Variants in NYNRIN observed in about 807,000 individuals in gnomAD.
The protein encoded by NYNRIN is NYN domain and retroviral integrase containing.
In NYNRIN, 86 loss-of-function variants were observed where a neutral mutation model predicts 146.6. That is an observed-to-expected ratio of 0.59 (90% CI 0.49 to 0.70). The LOEUF (loss-of-function observed/expected upper bound fraction) is 0.70. Among genes scored for constraint, NYNRIN ranks in the 30% least tolerant of loss-of-function variants. The pLI, the probability that NYNRIN is intolerant of heterozygous loss-of-function variation, is 0.00. For missense variants in NYNRIN, 2,191 were observed against 2,377.7 expected (o/e 0.92, Z 1.63); for synonymous variants, 1,027 against 1,001.3 (o/e 1.03, Z -0.48).
At position 24,409,667 on chromosome 14, in the gene NYNRIN, C is replaced by A. The variant is rs1819423820; in HGVS notation, c.1873C>A (p.Pro625Thr). The A allele has an allele frequency of 6.2e-7, 1 of 1,607,122 alleles. No individual in the cohort carries two copies. Among genetic ancestry groups the A allele is most frequent in the African/African-American group, 1.3e-5 (1 of 74,746 alleles). The change falls in exon 4 of 9, where the codon CCC becomes ACC. Residue 625 changes from proline (P) to threonine (T), a missense_variant. Around this residue, in one of 3 missense-constraint regions of NYNRIN, gnomAD observed 895 missense variants for 941.2 expected, o/e 0.95. Coordinates refer to ENST00000382554, the MANE Select transcript of NYNRIN (RefSeq NM_025081.3). ...AQVEPTTPKT[P>T]QAQKMPVAKT... ...AGTGGAACCCACAACTCCAAAAACT[C>A]CCCAGGCTCAGAAGATGCCTGTAGC...
chr14:24,412,471 T>C (rs927939786), intron 6 of NYNRIN: 1 of 154,810 alleles, frequency 6.5e-6, no homozygotes, highest in African/African-American at 2.4e-5. Context: ...TTAGCGTATA[T>C]ATGTCTGTAT....
chr14:24,412,029 A>G (rs1490040414), intron 6 of NYNRIN, among the ~76,000 whole-genome samples: 3 of 152,218 alleles, frequency 2.0e-5, no homozygotes, highest in African/African-American at 4.8e-5. Flanking sequence ...AGGCCCTGGC[A>G]TAGTCACTGG....
chr14:24,400,052 G>A lies in NYNRIN; in HGVS notation c.198+608G>A, dbSNP rs146994517. 2.7e-3 allele frequency among the ~76,000 whole-genome samples: 411 copies of A among 152,206 alleles called. 4 individuals are homozygous for A. The highest frequency in any genetic ancestry group is 0.017 in the Middle Eastern group (5 of 294). ...GAGTCAGGTAGGTGAGGTGGTGGGG[G>A]TTGGACCAGAACCCAGGGCTCTGGG... On this transcript the variant is annotated intron_variant, in intron 2 of 8. Transcript: ENST00000382554.
Position 24,416,633 on chromosome 14 carries a change from T to C in NYNRIN, c.4884T>C (p.Ser1628=), listed in dbSNP as rs779512856. 7 of 1,613,806 alleles carry C rather than the reference T, an allele frequency of 4.3e-6. No individual in the cohort carries two copies. The highest frequency in any genetic ancestry group is 5.9e-6 in the Non-Finnish European group (7 of 1,179,848). Residue 1628 remains serine (S), a synonymous_variant, in exon 9 of 9, where the codon AGT becomes AGC. Coordinates refer to ENST00000382554, the MANE Select transcript of NYNRIN (RefSeq NM_025081.3). ...QIEVVGPVTI[S]EEGHKHVLIV... ...AGGTGGTGGGCCCGGTCACCATAAG[T>C]GAGGAGGGCCATAAGCATGTACTTA...
At position 24,409,829 on chromosome 14, in the gene NYNRIN, A is replaced by G. The variant is rs868791706; in HGVS notation, c.2035A>G (p.Lys679Glu). 6.2e-7 allele frequency: 1 copy of G among 1,613,410 alleles called. No individual in the cohort carries two copies. Among genetic ancestry groups the G allele is most frequent in the African/African-American group, 1.3e-5 (1 of 74,930 alleles). Reference protein sequence around the residue: ...PVTPRVSRAPKTPAAQKVPTD... With the variant: ...PVTPRVSRAPETPAAQKVPTD... ...GACCCCCAGAGTCTCCAGAGCTCCCAAAACACCTGCAGCTCAGAAGGTGCC... is the reference window on the plus strand; with the variant it reads ...GACCCCCAGAGTCTCCAGAGCTCCCGAAACACCTGCAGCTCAGAAGGTGCC... The change falls in exon 4 of 9, where the codon AAA becomes GAA. Residue 679 changes from lysine (K) to glutamate (E), a missense_variant. This residue lies in a region of NYNRIN where 895 missense variants were observed against 941.2 expected (regional missense o/e 0.95). Coordinates refer to ENST00000382554, the MANE Select transcript of NYNRIN (RefSeq NM_025081.3).
Position 24,415,244 on chromosome 14 carries a change from C to G in NYNRIN, c.3495C>G (p.Thr1165=). ...NSQLPFRLEV[T]VSHVALTAIL... ...AGCTGCCCTTCCGCCTGGAGGTGACCGTGAGCCACGTGGCCCTGACGGCCA... is the reference window on the plus strand; with the variant it reads ...AGCTGCCCTTCCGCCTGGAGGTGACGGTGAGCCACGTGGCCCTGACGGCCA... The change falls in exon 9 of 9, where the codon ACC becomes ACG. Residue 1165 remains threonine (T), a synonymous_variant. Coordinates refer to ENST00000382554, the MANE Select transcript of NYNRIN (RefSeq NM_025081.3). 1 of 1,613,566 alleles carries G rather than the reference C, an allele frequency of 6.2e-7. No homozygotes were observed. Among genetic ancestry groups the G allele is most frequent in the Non-Finnish European group, 8.5e-7 (1 of 1,179,864 alleles).
rs755124186 is a variant in NYNRIN, at chr14:24,416,889, A to G, written c.5140A>G (p.Thr1714Ala). 9 of 1,606,968 alleles carry G rather than the reference A, an allele frequency of 5.6e-6. No individual in the cohort carries two copies. Among genetic ancestry groups the G allele is most frequent in the Non-Finnish European group, 7.7e-6 (9 of 1,175,832 alleles). Residue 1714 changes from threonine to alanine, a missense_variant, in exon 9 of 9, where the codon ACG becomes GCG. Around this residue, in one of 3 missense-constraint regions of NYNRIN, gnomAD observed 1,291 missense variants for 1,417.0 expected, o/e 0.91. Coordinates refer to ENST00000382554, the MANE Select transcript of NYNRIN (RefSeq NM_025081.3). ...LSRDLQFPCLTSSGAYWEFKR... is the reference protein window; with the variant it reads ...LSRDLQFPCLASSGAYWEFKR... ...TCGGGACCTCCAGTTCCCCTGCCTGACGAGCTCAGGGGCCTACTGGGAATT... is the reference window on the plus strand; with the variant it reads ...TCGGGACCTCCAGTTCCCCTGCCTGGCGAGCTCAGGGGCCTACTGGGAATT...
chr14:24,413,546 TG>T, intron 8 of NYNRIN, 129 bp downstream of exon 8: 1 of 612,664 alleles, frequency 1.6e-6, no homozygotes, highest in Non-Finnish European at 2.8e-6. Flanking sequence ...TCTTTATACT[TG>T]TGCCACATGT....
rs1428024988 is a variant in NYNRIN at position 24,416,049 on chromosome 14, G to A, written c.4300G>A (p.Gly1434Ser). The A allele has an allele frequency of 5.0e-6, 8 of 1,614,016 alleles. No homozygotes were observed. The South Asian group carries it at 8.8e-5, about 18-fold the overall frequency. The change falls in exon 9 of 9, where the codon GGC (glycine) becomes AGC (serine). Residue 1434 changes from glycine (G) to serine (S), a missense_variant. Gly to Ser is a moderately conservative substitution (Grantham distance 56, BLOSUM62 0). Transcript: ENST00000382554. ...GTTTATCTACCGAACCTCCTACCGGGGCTCTCTGTTTGCTGTGACAGTGGA... is the reference window on the plus strand; with the variant it reads ...GTTTATCTACCGAACCTCCTACCGGAGCTCTCTGTTTGCTGTGACAGTGGA... ...LPFIYRTSYR[G>S]SLFAVTVDTL...
In NYNRIN at chr14:24,399,473, T is replaced by C. The variant is rs375338783; in HGVS notation, c.198+29T>C. On this transcript the variant is annotated intron_variant, in intron 2 of 8. Transcript: ENST00000382554. ...AACAGCTTCTCCCCACCCCCACCCA[T>C]CTCTTCCAGCCAGATCACTCTCTCC... 1.1e-3 allele frequency: 1,443 copies of C among 1,359,034 alleles called. 5 individuals carry two copies. The highest frequency in any genetic ancestry group is 1.4e-3 in the Non-Finnish European group (1,406 of 1,016,688). 84.2% of individuals were successfully genotyped at this position (1,359,034 alleles called of 1,614,324 possible).
intron 2 of NYNRIN, among the ~76,000 whole-genome samples, chr14:24,405,661 A>C (rs374624971): frequency 3.7e-4 from 56 of 152,296 alleles, no homozygotes; most frequent in East Asian, 3.3e-3. Flanking sequence ...AGAGTGCCTG[A>C]GTATCCCAGC....
chr14:24,401,439 G>A (rs377665023), intron 2 of NYNRIN, among the ~76,000 whole-genome samples: 1 of 26,862 alleles, frequency 3.7e-5, no homozygotes, highest in African/African-American at 1.3e-4. Context: ...GGTGAGGGGC[G>A]GGGGGGGTTA....
chr14:24,406,465 G>A (rs1389047918), intron 2 of NYNRIN, among the ~76,000 whole-genome samples: 1 of 152,194 alleles, frequency 6.6e-6, no homozygotes, highest in African/African-American at 2.4e-5. Flanking sequence ...GACCAGATGA[G>A]GTTGGGGTAG....
Position 24,416,482 on chromosome 14 carries a change from A to T in NYNRIN, c.4733A>T (p.His1578Leu), listed in dbSNP as rs2042947874. The T allele has an allele frequency of 2.5e-6, 4 of 1,613,498 alleles. No homozygotes were observed. Among genetic ancestry groups the T allele is most frequent in the Non-Finnish European group, 3.4e-6 (4 of 1,179,672 alleles). ...LLGWWPGMQE[H>L]VKDYCRSCLF... Reference sequence around the variant, plus strand: ...GGGTGGTGGCCTGGGATGCAGGAGCATGTGAAAGATTACTGCAGGAGCTGC... The same window carrying T: ...GGGTGGTGGCCTGGGATGCAGGAGCTTGTGAAAGATTACTGCAGGAGCTGC... The change falls in exon 9 of 9, where the codon CAT becomes CTT. Residue 1578 changes from histidine (H) to leucine (L), a missense_variant. By Grantham distance (99) the His-to-Leu change is moderately conservative. Around this residue, in one of 3 missense-constraint regions of NYNRIN, gnomAD observed 1,291 missense variants for 1,417.0 expected, o/e 0.91. Coordinates refer to ENST00000382554, the MANE Select transcript of NYNRIN (RefSeq NM_025081.3).
chr14:24,418,053 C>T lies in NYNRIN; in HGVS notation c.*607C>T, dbSNP rs1219489731. On this transcript the variant is annotated 3_prime_UTR_variant, in exon 9 of 9. Coordinates refer to ENST00000382554, the MANE Select transcript of NYNRIN (RefSeq NM_025081.3). ...CAGCTCTCAGGGCAGGGCTGGCCAT[C>T]CTCCCAGGCCTCAAGGGCAGTGTCT... The T allele has an allele frequency of 9.1e-6, 3 of 329,844 alleles. No homozygotes were observed. The highest frequency in any genetic ancestry group is 1.8e-5 in the Non-Finnish European group (3 of 167,940). The allele number at this position is 329,844 out of a possible 1,614,324, so 20.4% of individuals were successfully genotyped here. A position where few individuals can be genotyped will look rare whatever the true frequency, so the allele number is the denominator to read the frequency against.
chr14:24,401,144 T>A (rs1190479150), intron 2 of NYNRIN, among the ~76,000 whole-genome samples: 4 of 152,152 alleles, frequency 2.6e-5, no homozygotes, highest in South Asian at 2.1e-4. Flanking sequence ...AAATCCTGGA[T>A]TGGCTTCTCC....
chr14:24,399,038 C>A lies in NYNRIN; in HGVS notation c.-66C>A, dbSNP rs578192586. The A allele has an allele frequency of 1.2e-5, 6 of 514,618 alleles. No homozygotes were observed. The South Asian group carries it at 1.5e-4, about 13-fold the overall frequency. The allele number at this position is 514,618 out of a possible 1,614,324, so 31.9% of individuals were successfully genotyped here. ...CAGGAAGAGCTCGTCGCGGTAGCAG[C>A]GGTCGAAGGGGACCAAGCTCCAGAG... On this transcript the variant is annotated 5_prime_UTR_variant, in exon 1 of 9. Coordinates refer to ENST00000382554, the MANE Select transcript of NYNRIN (RefSeq NM_025081.3).
chr14:24,409,426 C>G lies in NYNRIN; in HGVS notation c.1632C>G (p.Leu544=), dbSNP rs751182083. ...VPGAQTVPET[L]KVPMAAAVPK... is the part of the protein sequence containing the mutation. Reference sequence around the variant, plus strand: ...GAGCTCAAACAGTGCCTGAAACTCTCAAAGTGCCCATGGCTGCAGCAGTGC... The same window carrying G: ...GAGCTCAAACAGTGCCTGAAACTCTGAAAGTGCCCATGGCTGCAGCAGTGC... The change falls in exon 4 of 9, where the codon CTC becomes CTG. Residue 544 remains leucine, a synonymous_variant. Coordinates refer to ENST00000382554, the MANE Select transcript of NYNRIN (RefSeq NM_025081.3). 3.4e-5 allele frequency: 55 copies of G among 1,613,916 alleles called. No individual in the cohort carries two copies. Among genetic ancestry groups the G allele is most frequent in the Non-Finnish European group, 5.9e-6 (7 of 1,179,908 alleles).
rs779173927 is a variant in NYNRIN at position 24,399,463 on chromosome 14, C to T, written c.198+19C>T. On this transcript the variant is annotated intron_variant, in intron 2 of 8. Coordinates refer to ENST00000382554, the MANE Select transcript of NYNRIN (RefSeq NM_025081.3). Reference sequence around the variant, plus strand: ...AGCCAAGGTAAACAGCTTCTCCCCACCCCCACCCATCTCTTCCAGCCAGAT... The same window carrying T: ...AGCCAAGGTAAACAGCTTCTCCCCATCCCCACCCATCTCTTCCAGCCAGAT... 2.5e-6 allele frequency: 4 copies of T among 1,584,138 alleles called. No individual in the cohort carries two copies. Among genetic ancestry groups the T allele is most frequent in the South Asian group, 1.1e-5 (1 of 87,734 alleles).
Sources: allele counts gnomAD v4.1 joint callset (sites outside exome capture counted in the v4.1 genomes callset), GRCh38; gene constraint gnomAD v4.1.1; regional missense constraint gnomAD v4.1.1; transcripts MANE v1.5; gene names NCBI Gene and HGNC (gene_info 2026-07-23, HGNC 2026-07-21).